The following BRAF variants were observed in gnomAD, a reference collection of about 807,000 sequenced individuals.
The protein encoded by BRAF is B-Raf proto-oncogene, serine/threonine kinase.
BRAF carries 16 observed loss-of-function variants against 104.6 expected under a neutral mutation model. The observed-to-expected ratio is 0.15, with a 90% CI of 0.10 to 0.23. The LOEUF (loss-of-function observed/expected upper bound fraction) is 0.23. Ranked by LOEUF, BRAF falls within the 10% of genes least tolerant of loss-of-function variation. The pLI, the probability that BRAF is intolerant of heterozygous loss-of-function variation, is 1.00. For missense variants in BRAF, 541 were observed against 937.3 expected, an observed-to-expected ratio of 0.58 and a Z score of 5.52; for synonymous variants, 310 against 341.6, an observed-to-expected ratio of 0.91 and a Z score of 1.02.
At chr7:140,776,429 A>G (rs1800342829) in intron 14 of BRAF, among the ~76,000 whole-genome samples, 1 of 152,212 alleles carries the variant, frequency 6.6e-6, no homozygotes, top group Non-Finnish European at 1.5e-5. Flanking sequence ...CTTAAATTGC[A>G]TAGCAAAATT....
At chr7:140,838,220 G>A (rs1365815289) in intron 2 of BRAF, among the ~76,000 whole-genome samples, 2 of 152,176 alleles carry the variant, frequency 1.3e-5, no homozygotes, top group Non-Finnish European at 2.9e-5. Flanking sequence ...AAATCCAGAA[G>A]AGGTATCCTT....
In BRAF at chr7:140,719,490, T is replaced by C. The variant is rs142177627; in HGVS notation, c.*7004A>G. 2 of 1,023,844 alleles carry C rather than the reference T, an allele frequency of 2.0e-6. No individual in the cohort carries two copies. The highest frequency in any genetic ancestry group is 3.4e-5 in the African/African-American group (2 of 59,512). 63.4% of individuals were successfully genotyped at this position (1,023,844 alleles called of 1,614,324 possible). ...TTCAGCTATCTTTTTTTATTCTCCA[T>C]GCTTTCTATCCAAACTGAACAATAT... On this transcript the variant is annotated 3_prime_UTR_variant, in exon 20 of 20. Coordinates refer to ENST00000644969, the MANE Select transcript of BRAF (RefSeq NM_001374258.1).
At chr7:140,824,781 T>A (rs1805836435) in intron 3 of BRAF, among the ~76,000 whole-genome samples, 1 of 152,078 alleles carries the variant, frequency 6.6e-6, no homozygotes, top group African/African-American at 2.4e-5. Flanking sequence ...TTCTTTCACA[T>A]CCCCACTAAT....
At chr7:140,759,242 G>C (rs1313014169) in intron 14 of BRAF, among the ~76,000 whole-genome samples, 1 of 152,198 alleles carries the variant, frequency 6.6e-6, no homozygotes, top group Non-Finnish European at 1.5e-5. Flanking sequence ...GATTAGAATT[G>C]CACAAATGGT....
intron 19 of BRAF, among the ~76,000 whole-genome samples, chr7:140,729,481 C>T (rs6965175): frequency 0.022 from 3,335 of 150,382 alleles, 62 homozygotes; most frequent in Non-Finnish European, 0.032. Flanking sequence ...TCTCTCTCTA[C>T]TAAAAATACA....
chr7:140,753,345 A>C lies in BRAF; in HGVS notation c.1910T>G (p.Leu637Arg), dbSNP rs121913366. 1 of 1,612,712 alleles carries C rather than the reference A, an allele frequency of 6.2e-7. No individual in the cohort carries two copies. The highest frequency in any genetic ancestry group is 8.5e-7 in the Non-Finnish European group (1 of 1,178,878). ...DLTVKIGDFG[L>R]ATVKSRWSGS... ...ACTCCATCGAGATTTCACTGTAGCT[A>C]GACCAAAATCACCTATTTTTACTGT... The change falls in exon 16 of 20, where the codon CTA becomes CGA. Residue 637 changes from leucine (L) to arginine (R), a missense_variant. This residue lies in a region of BRAF where 129 missense variants were observed against 285.8 expected (regional missense o/e 0.45). Transcript: ENST00000644969.
intron 17 of BRAF, among the ~76,000 whole-genome samples, chr7:140,742,679 A>G (rs1272615372): frequency 6.6e-6 from 1 of 152,216 alleles, no homozygotes; most frequent in Non-Finnish European, 1.5e-5. Context: ...CTTCATGTCT[A>G]AAACACCAAA....
chr7:140,899,076 T>C (rs906034617), intron 1 of BRAF, among the ~76,000 whole-genome samples: 1 of 152,168 alleles, frequency 6.6e-6, no homozygotes, highest in African/African-American at 2.4e-5. Context: ...GGGGTTAATA[T>C]GAATAATACT....
chr7:140,798,280 T>TTTTTTTTTTTTTTG (rs1586200322), intron 7 of BRAF, among the ~76,000 whole-genome samples: 2 of 146,178 alleles, frequency 1.4e-5, no homozygotes, highest in South Asian at 2.2e-4. Context: ...TTCTTTTTTT[T>TTTTTTTTTTTTTTG]GAGACGGAGT....
In BRAF at chr7:140,720,534, T is replaced by G; in HGVS notation, c.*5960A>C. 1 of 1,065,126 alleles carries G rather than the reference T, an allele frequency of 9.4e-7. No individual in the cohort carries two copies. Among genetic ancestry groups the G allele is most frequent in the South Asian group, 4.6e-5 (1 of 21,966 alleles). The allele number at this position is 1,065,126 out of a possible 1,614,324, so 66.0% of individuals were successfully genotyped here. A position where few individuals can be genotyped will look rare whatever the true frequency, so the allele number is the denominator to read the frequency against. On this transcript the variant is annotated 3_prime_UTR_variant, in exon 20 of 20. Transcript: ENST00000644969. ...CATACACAAATGTATTAGGAAGGAATGATTCTTAAAAAAACCGTTCACAGC... is the reference window on the plus strand; with the variant it reads ...CATACACAAATGTATTAGGAAGGAAGGATTCTTAAAAAAACCGTTCACAGC...
intron 3 of BRAF, among the ~76,000 whole-genome samples, chr7:140,812,205 G>A (rs1196462973): frequency 7.4e-6 from 1 of 135,192 alleles, no homozygotes; most frequent in South Asian, 2.6e-4. Flanking sequence ...AGGGTGGGAG[G>A]GGGAGAGAGA....
In BRAF at chr7:140,777,248, T is replaced by C. The variant is rs546108489; in HGVS notation, c.1638-160A>G. On this transcript the variant is annotated intron_variant, in intron 13 of 19. Transcript: ENST00000644969. ...GATACATTTAGAAGAGACTGGCAAT[T>C]GCCAAGTCTAACCTCCTACTTTATG... Among the ~76,000 whole-genome samples the C allele has an allele frequency of 1.3e-3, 191 of 152,318 alleles. 1 individual carries two copies. Among genetic ancestry groups the C allele is most frequent in the African/African-American group, 4.5e-3 (187 of 41,582 alleles).
chr7:140,762,137 A>G (rs1374731871), intron 14 of BRAF, among the ~76,000 whole-genome samples: 1 of 152,180 alleles, frequency 6.6e-6, no homozygotes, highest in African/African-American at 2.4e-5. Context: ...ACATACTTGG[A>G]AGTAAAGCTC....
Position 140,725,835 on chromosome 7 carries a change from G to A in BRAF, c.*659C>T. 3 of 1,063,312 alleles carry A rather than the reference G, an allele frequency of 2.8e-6. No individual in the cohort carries two copies. The highest frequency in any genetic ancestry group is 3.4e-6 in the Non-Finnish European group (3 of 878,114). 65.9% of individuals were successfully genotyped at this position (1,063,312 alleles called of 1,614,324 possible). ...AGGAAACAAAAGGCCAGAGACCCCGGAGGTCAGGAAGAAGATGCAGCATGC... is the reference window on the plus strand; with the variant it reads ...AGGAAACAAAAGGCCAGAGACCCCGAAGGTCAGGAAGAAGATGCAGCATGC... On this transcript the variant is annotated 3_prime_UTR_variant, in exon 20 of 20. Transcript: ENST00000644969.
At chr7:140,873,408 G>C (rs181445946) in intron 1 of BRAF, among the ~76,000 whole-genome samples, 11 of 152,186 alleles carry the variant, frequency 7.2e-5, no homozygotes, top group African/African-American at 2.6e-4. Context: ...GACCTCAGGT[G>C]ATCCATCTGC....
Position 140,924,713 on chromosome 7 carries a change from G to A in BRAF, c.-10C>T, listed in dbSNP as rs2129153496. 2 of 939,620 alleles carry A rather than the reference G, an allele frequency of 2.1e-6. No individual in the cohort carries two copies. Among genetic ancestry groups the A allele is most frequent in the South Asian group, 1.4e-5 (1 of 69,528 alleles). 58.2% of individuals were successfully genotyped at this position (939,620 alleles called of 1,614,324 possible). On this transcript the variant is annotated 5_prime_UTR_variant, in exon 1 of 20. Coordinates refer to ENST00000644969, the MANE Select transcript of BRAF (RefSeq NM_001374258.1). This position sits in a 1 kb window ranked among gnomAD's most constrained non-coding sequence, Gnocchi z 4.2. ...CGCTCAGCGCCGCCATCTTATAACC[G>A]AGAGCCGGGGCCCGAGCGGCCGCTG...
chr7:140,861,827 C>G (rs1810447011), intron 1 of BRAF, among the ~76,000 whole-genome samples: 1 of 152,120 alleles, frequency 6.6e-6, no homozygotes, highest in Admixed American at 6.5e-5. Context: ...ATTCCCTACA[C>G]TTTACTATAT....
intron 1 of BRAF, among the ~76,000 whole-genome samples, chr7:140,912,110 G>A (rs1817050250): frequency 6.6e-6 from 1 of 152,138 alleles, no homozygotes; most frequent in East Asian, 1.9e-4. Context: ...CTATGACTGT[G>A]CCACTGCACC....
chr7:140,804,811 TTTTC>T (rs1424776621), intron 5 of BRAF, among the ~76,000 whole-genome samples: 4 of 147,718 alleles, frequency 2.7e-5, no homozygotes, highest in African/African-American at 1.0e-4. Context: ...TTTCTTTTTC[TTTTC>T]TTTTTTTTTT....
Sources: allele counts gnomAD v4.1 joint callset (sites outside exome capture counted in the v4.1 genomes callset), GRCh38; gene constraint gnomAD v4.1.1; regional missense constraint gnomAD v4.1.1; non-coding constraint Gnocchi (gnomAD v3.1); transcripts MANE v1.5; gene names NCBI Gene and HGNC (gene_info 2026-07-23, HGNC 2026-07-21).